PLEKHM2: variants seen among roughly 807,000 people sequenced by gnomAD.
PLEKHM2 encodes pleckstrin homology and RUN domain containing M2, also known as pleckstrin homology domain-containing family M member 2.
Under a neutral mutation model 116.3 loss-of-function variants are expected in PLEKHM2, and 77 were observed. The observed-to-expected ratio is 0.66, with a 90% confidence interval of 0.55 to 0.80. The LOEUF is 0.80. Among genes scored for constraint, PLEKHM2 ranks in the 30% least tolerant of loss-of-function variants. The pLI, the probability that PLEKHM2 is intolerant of heterozygous loss-of-function variation, is 0.00. For synonymous variants in PLEKHM2, 562 were observed against 571.0 expected (o/e 0.98, Z 0.22); for missense variants, 1,183 against 1,354.9 (o/e 0.87, Z 1.99).
At chr1:15,700,715 AT>A (rs1641092176) in intron 1 of PLEKHM2, among the ~76,000 whole-genome samples, 1 of 152,160 alleles carries the variant, frequency 6.6e-6, no homozygotes, top group Non-Finnish European at 1.5e-5. Context: ...CGATAATGAA[AT>A]TCCTCAGCCC....
chr1:15,701,755 C>T (rs1201411884), intron 1 of PLEKHM2, among the ~76,000 whole-genome samples: 5 of 152,222 alleles, frequency 3.3e-5, no homozygotes, highest in African/African-American at 1.2e-4. Flanking sequence ...TGCGCCACTG[C>T]ACTCCAGCCT....
chr1:15,700,274 C>G (rs1275433955), intron 1 of PLEKHM2, among the ~76,000 whole-genome samples: 1 of 152,138 alleles, frequency 6.6e-6, no homozygotes, highest in Non-Finnish European at 1.5e-5. Context: ...GGGTCTCGCT[C>G]TGTCACCCAG....
rs1348055000 is a variant in PLEKHM2, at chr1:15,718,617, C to T, written c.457C>T (p.Leu153=). Residue 153 remains leucine, a synonymous_variant, in exon 5 of 20, where the codon CTG becomes TTG. Coordinates refer to ENST00000375799, the MANE Select transcript of PLEKHM2 (RefSeq NM_015164.4). ...VSGLEFIRFE[L]DLDAPYLDLA... is the part of the protein sequence containing the mutation. ...CGGGCTAGAGTTCATTCGTTTCGAGCTGGATCTGGTGAGACACCAGGGCTC... is the reference window on the plus strand; with the variant it reads ...CGGGCTAGAGTTCATTCGTTTCGAGTTGGATCTGGTGAGACACCAGGGCTC... 3 of 1,356,850 alleles carry T rather than the reference C, an allele frequency of 2.2e-6. No homozygotes were observed. The highest frequency in any genetic ancestry group is 1.6e-5 in the African/African-American group (1 of 64,044). The allele number at this position is 1,356,850 out of a possible 1,614,324, so 84.1% of individuals were successfully genotyped here.
intron 1 of PLEKHM2, among the ~76,000 whole-genome samples, chr1:15,695,751 G>A (rs1228435129): frequency 6.6e-6 from 1 of 152,008 alleles, no homozygotes. Context: ...TGATCTGCCC[G>A]CCTCAGCCTC....
chr1:15,718,447 T>G, intron 4 of PLEKHM2, 91 bp from the exon 5 acceptor site: 1 of 772,758 alleles, frequency 1.3e-6, no homozygotes, highest in Admixed American at 2.0e-5. Context: ...ACATCACGTG[T>G]CAGATTTCAA....
At chr1:15,705,814 G>A (rs111621219) in intron 1 of PLEKHM2, among the ~76,000 whole-genome samples, 1 of 152,224 alleles carries the variant, frequency 6.6e-6, no homozygotes, top group African/African-American at 2.4e-5. Context: ...TGGCAAGGCC[G>A]GATCTGGTGG....
At chr1:15,716,948 G>A in intron 3 of PLEKHM2, 132 bp downstream of exon 3, 2 of 1,140,188 alleles carry the variant, frequency 1.8e-6, no homozygotes. Flanking sequence ...CAGTAGCAGT[G>A]GGGTGTTAAA....
At chr1:15,696,788 G>T (rs1328489190) in intron 1 of PLEKHM2, among the ~76,000 whole-genome samples, 2 of 152,234 alleles carry the variant, frequency 1.3e-5, no homozygotes, top group African/African-American at 4.8e-5. Flanking sequence ...ACAAATTGCA[G>T]TGGGATAGGT....
intron 1 of PLEKHM2, among the ~76,000 whole-genome samples, chr1:15,700,771 G>T: frequency 6.6e-6 from 1 of 152,196 alleles, no homozygotes; most frequent in East Asian, 1.9e-4. Flanking sequence ...GAGAGTCTCT[G>T]CAGAAGTGCT....
chr1:15,715,083 G>C (rs902052453), intron 1 of PLEKHM2, among the ~76,000 whole-genome samples: 3 of 152,274 alleles, frequency 2.0e-5, no homozygotes, highest in East Asian at 1.9e-4. Flanking sequence ...GTCCTTCTTG[G>C]TGTAGGGCTT....
intron 1 of PLEKHM2, among the ~76,000 whole-genome samples, chr1:15,685,577 A>C (rs970840137): frequency 5.3e-5 from 8 of 151,550 alleles, no homozygotes; most frequent in Non-Finnish European, 4.4e-5. Flanking sequence ...AAGAAAGAAA[A>C]AAGAGAAAGA....
rs1274043187 is a variant in PLEKHM2 at position 15,731,785 on chromosome 1, G to T, written c.2466-104G>T. The T allele has an allele frequency of 9.3e-6, 9 of 964,666 alleles. No individual in the cohort carries two copies. The East Asian group carries it at 2.4e-4, about 26-fold the overall frequency. 59.8% of individuals were successfully genotyped at this position (964,666 alleles called of 1,614,324 possible). On this transcript the variant is annotated intron_variant, in intron 16 of 19. Coordinates refer to ENST00000375799, the MANE Select transcript of PLEKHM2 (RefSeq NM_015164.4). The stretch of plus-strand genomic sequence containing the variant: ...CTGGTATCCTCCAGCCCCCAAGACG[G>T]TGGGGCAGACCCTGTGCCGCACACC...
In PLEKHM2 at chr1:15,685,541, G is replaced by GAAAAAAA. The variant is rs200301672; in HGVS notation, c.60+936_60+942dup. The stretch of plus-strand genomic sequence containing the variant: ...GGCTCACCAGATAGTCTCAGAAACT[G>GAAAAAAA]AAAAAAAAAAAAAAAAAAAGAAAGA... On this transcript the variant is annotated intron_variant, in intron 1 of 19. Coordinates refer to ENST00000375799, the MANE Select transcript of PLEKHM2 (RefSeq NM_015164.4). Among the ~76,000 whole-genome samples the GAAAAAAA allele has an allele frequency of 2.0e-3, 150 of 73,418 alleles. 1 individual carries two copies. The highest frequency in any genetic ancestry group is 4.1e-3 in the African/African-American group (93 of 22,844). The allele number at this position is 73,418 out of a possible 152,430, so 48.2% of individuals were successfully genotyped here. A position where few individuals can be genotyped will look rare whatever the true frequency, so the allele number is the denominator to read the frequency against.
At chr1:15,700,647 G>A (rs1328019674) in intron 1 of PLEKHM2, among the ~76,000 whole-genome samples, 1 of 152,140 alleles carries the variant, frequency 6.6e-6, no homozygotes, top group African/African-American at 2.4e-5. Context: ...TACTGAATGG[G>A]AGGCCCCAGG....
At position 15,727,732 on chromosome 1, in the gene PLEKHM2, A is replaced by G; in HGVS notation, c.1660A>G (p.Lys554Glu). 1 of 1,599,110 alleles carries G rather than the reference A, an allele frequency of 6.3e-7. No homozygotes were observed. ...PGTQEVLCQL[K>E]RDQPSPCLSS... ...GACCCAGGAGGTTCTCTGCCAGCTC[A>G]AGCGAGACCAGCCCAGCCCGTGTCT... The change falls in exon 9 of 20, where the codon AAG becomes GAG. Residue 554 changes from lysine (K) to glutamate (E), a missense_variant. Physicochemically the swap from Lys to Glu is moderately conservative, Grantham distance 56 (BLOSUM62 1). Coordinates refer to ENST00000375799, the MANE Select transcript of PLEKHM2 (RefSeq NM_015164.4). The surrounding 1 kb of genome is among the most constrained non-coding windows in gnomAD (Gnocchi z 7.5).
rs920874161 is a variant in PLEKHM2 at position 15,729,003 on chromosome 1, G to A, written c.1987-99G>A. ...TTTACTTGGTGGTGGCCCGGGGTGTGCTTCTTCCTCCCCAGCAAGCGCTCA... is the reference window on the plus strand; with the variant it reads ...TTTACTTGGTGGTGGCCCGGGGTGTACTTCTTCCTCCCCAGCAAGCGCTCA... On this transcript the variant is annotated intron_variant, in intron 12 of 19. Coordinates refer to ENST00000375799, the MANE Select transcript of PLEKHM2 (RefSeq NM_015164.4). This position sits in a 1 kb window ranked among gnomAD's most constrained non-coding sequence, Gnocchi z 4.7. The A allele has an allele frequency of 3.4e-5, 38 of 1,129,302 alleles. No homozygotes were observed. In the African/African-American group the frequency reaches 5.5e-4, roughly 16 times the overall value. 70.0% of individuals were successfully genotyped at this position (1,129,302 alleles called of 1,614,324 possible).
chr1:15,704,829 A>G (rs1641189042), intron 1 of PLEKHM2, among the ~76,000 whole-genome samples: 1 of 152,198 alleles, frequency 6.6e-6, no homozygotes, highest in Non-Finnish European at 1.5e-5. Context: ...CTTCTGGAGC[A>G]CATACTGCCC....
At position 15,689,102 on chromosome 1, in the gene PLEKHM2, G is replaced by A. The variant is rs146642875; in HGVS notation, c.60+4484G>A. Among the ~76,000 whole-genome samples the A allele has an allele frequency of 3.7e-3, 568 of 152,060 alleles. 3 individuals carry two copies. The highest frequency in any genetic ancestry group is 0.013 in the African/African-American group (540 of 41,474). ...CATCTCTATTAAAAATACAAAATTA[G>A]CTAGGTGTGGTGGTGCATACCTGTA... is the stretch of plus-strand genomic sequence containing the variant. On this transcript the variant is annotated intron_variant, in intron 1 of 19. Transcript: ENST00000375799.
In PLEKHM2 at chr1:15,719,756, C is replaced by T; in HGVS notation, c.488C>T (p.Ala163Val). 1 of 1,612,600 alleles carries T rather than the reference C, an allele frequency of 6.2e-7. No homozygotes were observed. Among genetic ancestry groups the T allele is most frequent in the South Asian group, 1.1e-5 (1 of 90,730 alleles). The change falls in exon 6 of 20, where the codon GCC becomes GTC. Residue 163 changes from alanine (A) to valine (V), a missense_variant. Transcript: ENST00000375799. This position sits in a 1 kb window ranked among gnomAD's most constrained non-coding sequence, Gnocchi z 4.1. ...CAGGATGCCCCTTACCTAGACCTGGCCCCCTACATGCCCGACTACTACAAA... is the reference window on the plus strand; with the variant it reads ...CAGGATGCCCCTTACCTAGACCTGGTCCCCTACATGCCCGACTACTACAAA... Reference protein sequence around the residue: ...LDLDAPYLDLAPYMPDYYKPQ... With the variant: ...LDLDAPYLDLVPYMPDYYKPQ...
Sources: gnomAD v4.1 joint callset for allele counts (sites outside exome capture counted in the v4.1 genomes callset) on GRCh38, gnomAD v4.1.1 for gene constraint, Gnocchi (gnomAD v3.1) non-coding constraint, MANE v1.5 for transcripts, NCBI Gene and HGNC (gene_info 2026-07-23, HGNC 2026-07-21) for gene names.